ATP9A: variants seen among roughly 807,000 people sequenced by gnomAD.
The protein encoded by ATP9A is probable phospholipid-transporting ATPase IIA.
In ATP9A, 52 loss-of-function variants were observed where a neutral mutation model predicts 144.1. The observed-to-expected ratio is 0.36, with a 90% CI of 0.29 to 0.45. The LOEUF is 0.45. Among genes scored for constraint, ATP9A ranks in the 20% least tolerant of loss-of-function variants. ATP9A has a pLI of 1.00. For missense variants in ATP9A, 947 were observed against 1,392.7 expected (o/e 0.68, Z 5.09); for synonymous variants, 582 against 557.4 (o/e 1.04, Z -0.62).
At chr20:51,690,654 A>C in intron 8 of ATP9A, 85 bp downstream of exon 8, 1 of 1,183,344 alleles carries the variant, frequency 8.5e-7, no homozygotes, top group Non-Finnish European at 1.3e-6. Context: ...ACTTCCTGAC[A>C]AAGAACTGTC....
chr20:51,735,758 T>C (rs1179447706), intron 1 of ATP9A, among the ~76,000 whole-genome samples: 1 of 152,236 alleles, frequency 6.6e-6, no homozygotes, highest in African/African-American at 2.4e-5. Flanking sequence ...ATACAGGACT[T>C]ATTTGACTTT....
Position 51,723,851 on chromosome 20 carries a change from G to A in ATP9A, c.327+1968C>T, listed in dbSNP as rs1262178832. Among the ~76,000 whole-genome samples the A allele has an allele frequency of 5.3e-5, 8 of 152,000 alleles. No individual in the cohort carries two copies. The South Asian group carries it at 8.3e-4, about 16-fold the overall frequency. On this transcript the variant is annotated intron_variant, in intron 3 of 27. Coordinates refer to ENST00000338821, the MANE Select transcript of ATP9A (RefSeq NM_006045.3). ...ATTACAGGTGTGAGCCACCGTGCCC[G>A]GCCTAAAAGCAAATTCTTTAATTAA...
chr20:51,727,531 A>G (rs192571179), intron 2 of ATP9A, among the ~76,000 whole-genome samples: 1 of 152,158 alleles, frequency 6.6e-6, no homozygotes, highest in East Asian at 1.9e-4. Context: ...GATAGTAGTG[A>G]GCCAAGATCA....
chr20:51,638,074 TATATATATATATATATATATATA>T lies in ATP9A; in HGVS notation c.1668+1246_1668+1268del, dbSNP rs1568797031. Among the ~76,000 whole-genome samples the T allele has an allele frequency of 3.9e-3, 40 of 10,172 alleles. 1 individual carries two copies. The highest frequency in any genetic ancestry group is 0.012 in the African/African-American group (37 of 3,112). The allele number at this position is 10,172 out of a possible 152,430, so 6.7% of individuals were successfully genotyped here. A position where few individuals can be genotyped will look rare whatever the true frequency, so the allele number is the denominator to read the frequency against. On this transcript the variant is annotated intron_variant, in intron 15 of 27. Coordinates refer to ENST00000338821, the MANE Select transcript of ATP9A (RefSeq NM_006045.3). ...GGCTAAGTAGCATTTCATCATTTTA[TATATATATATATATATATATATA>T]TATATATATATATATATATATATAT...
intron 14 of ATP9A, among the ~76,000 whole-genome samples, chr20:51,648,437 A>T (rs985590588): frequency 6.6e-6 from 1 of 152,222 alleles, no homozygotes; most frequent in African/African-American, 2.4e-5. Context: ...GGCATGATTT[A>T]TGATAGCCAA....
chr20:51,759,451 T>C (rs968122581), intron 1 of ATP9A, among the ~76,000 whole-genome samples: 3 of 152,146 alleles, frequency 2.0e-5, no homozygotes, highest in African/African-American at 7.2e-5. Flanking sequence ...GGTGGGTGGA[T>C]CACCTGAGGT....
intron 27 of ATP9A, among the ~76,000 whole-genome samples, 179 bp from the exon 28 acceptor site, chr20:51,601,526 C>G (rs2077143002): frequency 6.6e-6 from 1 of 152,218 alleles, no homozygotes; most frequent in Non-Finnish European, 1.5e-5. Flanking sequence ...TGGCTAAGAG[C>G]ACACAGCGCC....
chr20:51,667,243 C>T lies in ATP9A; in HGVS notation c.1293+2754G>A, dbSNP rs1442221133. The stretch of plus-strand genomic sequence containing the variant: ...AATGAACCATAAAAGCTAAAATACA[C>T]AAATATCCTGAGAGGGGACGGCTTC... On this transcript the variant is annotated intron_variant, in intron 13 of 27. Transcript: ENST00000338821. Among the ~76,000 whole-genome samples the T allele has an allele frequency of 1.3e-5, 2 of 152,208 alleles. 1 individual carries two copies. Among genetic ancestry groups the T allele is most frequent in the African/African-American group, 4.8e-5 (2 of 41,450 alleles).
Position 51,641,420 on chromosome 20 carries a change from T to C in ATP9A, c.1507-1916A>G, listed in dbSNP as rs531778034. ...TGTGTCGTCTCAGTTACTCAAGAGG[T>C]TGAGGTGGGAGGATCACGATCTGGG... On this transcript the variant is annotated intron_variant, in intron 14 of 27. Coordinates refer to ENST00000338821, the MANE Select transcript of ATP9A (RefSeq NM_006045.3). Among the ~76,000 whole-genome samples, 12 of 151,846 alleles carry C rather than the reference T, an allele frequency of 7.9e-5. No individual in the cohort carries two copies. The South Asian group carries it at 2.5e-3, about 32-fold the overall frequency.
intron 27 of ATP9A, among the ~76,000 whole-genome samples, chr20:51,604,117 A>C (rs2077153861): frequency 6.6e-6 from 1 of 152,120 alleles, no homozygotes; most frequent in South Asian, 2.1e-4. Context: ...CTGGGCGTCT[A>C]GCACCTCACC....
chr20:51,670,249 C>T (rs2077450458), intron 12 of ATP9A, 140 bp from the exon 13 acceptor site: 1 of 656,674 alleles, frequency 1.5e-6, no homozygotes, highest in Middle Eastern at 3.1e-4. Flanking sequence ...GGGAAGACAC[C>T]TGCAGCATTT....
intron 17 of ATP9A, 113 bp downstream of exon 17, chr20:51,627,487 G>T: frequency 5.2e-6 from 5 of 953,134 alleles, no homozygotes; most frequent in Non-Finnish European, 8.4e-6. Flanking sequence ...AGTGAACCCA[G>T]TGTGCCCAGA....
intron 4 of ATP9A, among the ~76,000 whole-genome samples, 161 bp from the exon 5 acceptor site, chr20:51,697,643 G>A (rs930541232): frequency 1.3e-5 from 2 of 152,140 alleles, no homozygotes; most frequent in Non-Finnish European, 2.9e-5. Flanking sequence ...TGCCTCTCCA[G>A]GAAAGGGTTC....
intron 3 of ATP9A, among the ~76,000 whole-genome samples, chr20:51,714,126 C>T (rs959107968): frequency 6.6e-6 from 1 of 151,820 alleles, no homozygotes; most frequent in African/African-American, 2.4e-5. Flanking sequence ...AGGATGGTCT[C>T]GATCTCTTGA....
chr20:51,670,039 T>G lies in ATP9A; in HGVS notation c.1251A>C (p.Ser417=). ...HLGTVAYGLD[S]MDEVQSHIFS... ...AAATGTGGCTTTGTACTTCGTCCAT[T>G]GAGTCGAGGCCGTAGGCTACTGTTC... Residue 417 remains serine (S), a synonymous_variant, in exon 13 of 28, where the codon TCA becomes TCC. Coordinates refer to ENST00000338821, the MANE Select transcript of ATP9A (RefSeq NM_006045.3). 6.2e-7 allele frequency: 1 copy of G among 1,614,160 alleles called. No individual in the cohort carries two copies. The highest frequency in any genetic ancestry group is 8.5e-7 in the Non-Finnish European group (1 of 1,180,022).
chr20:51,761,396 C>G (rs2077879686), intron 1 of ATP9A, among the ~76,000 whole-genome samples: 1 of 152,152 alleles, frequency 6.6e-6, no homozygotes, highest in Non-Finnish European at 1.5e-5. Context: ...GAAAGAGGAG[C>G]ACGACAATCC....
Position 51,608,435 on chromosome 20 carries a change from A to G in ATP9A, c.2745+83T>C, listed in dbSNP as rs536216635. On this transcript the variant is annotated intron_variant, in intron 25 of 27. Transcript: ENST00000338821. ...TGGAGGGTCTGTGTGAAATAAATTC[A>G]AAGAAAAAAAGCAGGGAGGGAGGGA... The G allele has an allele frequency of 9.1e-5, 83 of 914,868 alleles. No individual in the cohort carries two copies. The African/African-American group carries it at 1.3e-3, about 15-fold the overall frequency. The allele number at this position is 914,868 out of a possible 1,614,324, so 56.7% of individuals were successfully genotyped here.
At chr20:51,666,405 G>T (rs964048134) in intron 13 of ATP9A, among the ~76,000 whole-genome samples, 1 of 152,156 alleles carries the variant, frequency 6.6e-6, no homozygotes, top group Admixed American at 6.5e-5. Context: ...ACTGGGCCAG[G>T]CATGGTGACT....
At chr20:51,706,854 A>G (rs1757335404) in intron 4 of ATP9A, among the ~76,000 whole-genome samples, 1 of 152,154 alleles carries the variant, frequency 6.6e-6, no homozygotes, top group African/African-American at 2.4e-5. Flanking sequence ...CCTAATTTGA[A>G]CAGCAGTTTT....
Sources: allele counts gnomAD v4.1 joint callset (sites outside exome capture counted in the v4.1 genomes callset), GRCh38; gene constraint gnomAD v4.1.1; transcripts MANE v1.5; gene names NCBI Gene and HGNC (gene_info 2026-07-23, HGNC 2026-07-21).